Variants in CSNK1G1 observed in about 807,000 individuals in gnomAD.
CSNK1G1 encodes casein kinase I isoform gamma-1.
CSNK1G1 carries 22 observed loss-of-function variants against 59.6 expected under a neutral mutation model. That is an observed-to-expected ratio of 0.37 (90% CI 0.26 to 0.53). The LOEUF (loss-of-function observed/expected upper bound fraction) is 0.53. CSNK1G1 is among the 20% of genes least tolerant of loss of function. The probability of loss-of-function intolerance (pLI) is 0.89; values close to 1 mark genes in which losing one functional copy is unlikely to be tolerated. For missense variants in CSNK1G1, 384 were observed against 519.5 expected (o/e 0.74, Z 2.54); for synonymous variants, 179 against 177.1 (o/e 1.01, Z -0.08).
In CSNK1G1 at chr15:64,216,220, C is replaced by T. The variant is rs2082310059; in HGVS notation, c.444+342G>A. Among the ~76,000 whole-genome samples the T allele has an allele frequency of 6.6e-6, 1 of 151,970 alleles. No homozygotes were observed. Among genetic ancestry groups the T allele is most frequent in the Non-Finnish European group, 1.5e-5 (1 of 67,988 alleles). On this transcript the variant is annotated intron_variant, in intron 5 of 11. Transcript: ENST00000303052. The surrounding 1 kb of genome is among the most constrained non-coding windows in gnomAD (Gnocchi z 4.6). ...AGCCTGGGTGACAGAGACCCTGTCT[C>T]AAAAATGAAAAACAAAACAAAACAA...
At chr15:64,236,454 G>A (rs187012201) in intron 4 of CSNK1G1, among the ~76,000 whole-genome samples, 7 of 152,070 alleles carry the variant, frequency 4.6e-5, no homozygotes, top group South Asian at 2.1e-4. Context: ...AAAACCCACC[G>A]CAAATAATCC....
chr15:64,238,726 C>T (rs759898720), intron 4 of CSNK1G1, among the ~76,000 whole-genome samples: 1 of 151,600 alleles, frequency 6.6e-6, no homozygotes, highest in Non-Finnish European at 1.5e-5. Flanking sequence ...ATTCAAACCT[C>T]CAGAGCACCC....
intron 2 of CSNK1G1, among the ~76,000 whole-genome samples, chr15:64,287,877 ATTT>A (rs1894514384): frequency 6.6e-6 from 1 of 152,210 alleles, no homozygotes; most frequent in Non-Finnish European, 1.5e-5. Flanking sequence ...ATTTAGCTCT[ATTT>A]ATTTCCAAAA....
At chr15:64,281,444 A>C (rs1000655945) in intron 2 of CSNK1G1, among the ~76,000 whole-genome samples, 2 of 152,154 alleles carry the variant, frequency 1.3e-5, no homozygotes, top group African/African-American at 4.8e-5. Context: ...CATCTCTATA[A>C]AAATAAAAAA....
chr15:64,324,049 C>T (rs1018092361), intron 1 of CSNK1G1, among the ~76,000 whole-genome samples: 2 of 152,130 alleles, frequency 1.3e-5, no homozygotes, highest in African/African-American at 2.4e-5. Context: ...GATGAGGAAA[C>T]CAAGTAAGAT....
chr15:64,289,897 C>T (rs565658230), intron 2 of CSNK1G1, among the ~76,000 whole-genome samples: 3 of 151,890 alleles, frequency 2.0e-5, no homozygotes, highest in Admixed American at 6.6e-5. Context: ...TATGAAAAAA[C>T]GCTCAAAAGA....
chr15:64,208,565 G>C lies in CSNK1G1; in HGVS notation c.680-971C>G, dbSNP rs112334878. 6.9e-3 allele frequency among the ~76,000 whole-genome samples: 1,053 copies of C among 152,276 alleles called. 11 individuals are homozygous for C. Among genetic ancestry groups the C allele is most frequent in the African/African-American group, 0.017 (708 of 41,562 alleles). ...ATTCTTTTTTACAGACAGAGTCCTT[G>C]CTCTGTTTCCTAGGCTTGAGTGCAG... On this transcript the variant is annotated intron_variant, in intron 6 of 11. Transcript: ENST00000303052.
intron 1 of CSNK1G1, among the ~76,000 whole-genome samples, chr15:64,353,121 T>G (rs567227474): frequency 1.3e-5 from 2 of 151,906 alleles, no homozygotes; most frequent in Non-Finnish European, 2.9e-5. Context: ...TCTCACAAAT[T>G]TACACAAAAC....
intron 4 of CSNK1G1, among the ~76,000 whole-genome samples, chr15:64,230,969 G>A (rs1351227213): frequency 1.3e-5 from 2 of 151,174 alleles, no homozygotes; most frequent in African/African-American, 4.9e-5. Context: ...GCGAGAATCC[G>A]TCTCAAAAAA....
intron 4 of CSNK1G1, among the ~76,000 whole-genome samples, chr15:64,230,044 C>T (rs12913610): frequency 2.7e-5 from 4 of 149,460 alleles, no homozygotes; most frequent in Non-Finnish European, 5.9e-5. Context: ...GTCTCAGCCT[C>T]TGGAGTAGCT....
chr15:64,183,012 T>C (rs2081839776), intron 10 of CSNK1G1, among the ~76,000 whole-genome samples: 1 of 152,190 alleles, frequency 6.6e-6, no homozygotes, highest in Non-Finnish European at 1.5e-5. Flanking sequence ...GGTAAACTCA[T>C]TCTGTGAGCA....
At chr15:64,312,410 T>C (rs958333130) in intron 1 of CSNK1G1, among the ~76,000 whole-genome samples, 9 of 152,180 alleles carry the variant, frequency 5.9e-5, no homozygotes, top group African/African-American at 1.9e-4. Context: ...AACAGATATA[T>C]AGACCAATGG....
intron 4 of CSNK1G1, among the ~76,000 whole-genome samples, chr15:64,218,192 C>G (rs1448438666): frequency 6.6e-6 from 1 of 152,158 alleles, no homozygotes; most frequent in East Asian, 1.9e-4. Flanking sequence ...CTCAAGCAAT[C>G]CTCCCTCCTT....
chr15:64,277,985 CGAATAATATATTAATATTGATATATTT>C lies in CSNK1G1; in HGVS notation c.182-18771_182-18745del, dbSNP rs1291569195. Reference sequence around the variant, plus strand: ...AATAATATATTAATATTGATATATTCGAATAATATATTAATATTGATATATTTGAATAATATATTAATATTATTTTAT... The same window carrying C: ...AATAATATATTAATATTGATATATTCGAATAATATATTAATATTATTTTAT... On this transcript the variant is annotated intron_variant, in intron 2 of 11. Transcript: ENST00000303052. 5.7e-3 allele frequency among the ~76,000 whole-genome samples: 809 copies of C among 142,434 alleles called. 6 individuals are homozygous for C. The highest frequency in any genetic ancestry group is 0.02 in the African/African-American group (777 of 38,684). The allele number at this position is 142,434 out of a possible 152,430, so 93.4% of individuals were successfully genotyped here. A position where few individuals can be genotyped will look rare whatever the true frequency, so the allele number is the denominator to read the frequency against.
intron 4 of CSNK1G1, among the ~76,000 whole-genome samples, chr15:64,221,177 G>A (rs1596114973): frequency 6.6e-6 from 1 of 152,138 alleles, no homozygotes; most frequent in African/African-American, 2.4e-5. Context: ...TTGCAAATCT[G>A]GGCATAATAT....
intron 1 of CSNK1G1, among the ~76,000 whole-genome samples, chr15:64,350,428 G>A (rs908065750): frequency 3.3e-5 from 5 of 151,952 alleles, no homozygotes; most frequent in Non-Finnish European, 1.5e-5. Flanking sequence ...GTGAACCCGG[G>A]AGATGGAGCT....
At chr15:64,173,557 A>C (rs997291857) in intron 11 of CSNK1G1, among the ~76,000 whole-genome samples, 5 of 152,032 alleles carry the variant, frequency 3.3e-5, no homozygotes, top group African/African-American at 7.2e-5. Context: ...TCCTCAGTGG[A>C]AACCCTGGAT....
intron 3 of CSNK1G1, among the ~76,000 whole-genome samples, chr15:64,253,867 C>T (rs978265502): frequency 2.0e-5 from 3 of 152,080 alleles, no homozygotes; most frequent in South Asian, 2.1e-4. Flanking sequence ...TAGCCAGGCG[C>T]GGTGGCTCAC....
At chr15:64,236,471 A>G (rs1489758514) in intron 4 of CSNK1G1, among the ~76,000 whole-genome samples, 1 of 152,214 alleles carries the variant, frequency 6.6e-6, no homozygotes, top group Non-Finnish European at 1.5e-5. Flanking sequence ...ATCCAATTTA[A>G]AAGTGGGAAA....
Sources: allele counts gnomAD v4.1 joint callset (sites outside exome capture counted in the v4.1 genomes callset), GRCh38; gene constraint gnomAD v4.1.1; non-coding constraint Gnocchi (gnomAD v3.1); transcripts MANE v1.5; gene names NCBI Gene and HGNC (gene_info 2026-07-23, HGNC 2026-07-21).